SRPK2: variants seen among roughly 807,000 people sequenced by gnomAD.
SRPK2 encodes the protein SRSF protein kinase 2.
In SRPK2, 21 loss-of-function variants were observed where a neutral mutation model predicts 90.8. The ratio of observed to expected loss-of-function variants is 0.23; its 90% CI spans 0.16 to 0.33. SRPK2 has a LOEUF of 0.33. SRPK2 is among the 10% of genes least tolerant of loss of function. The pLI is 1.00. For missense variants in SRPK2, 620 were observed against 869.0 expected (o/e 0.71, Z 3.60); for synonymous variants, 288 against 311.1 (o/e 0.93, Z 0.78).
At chr7:105,356,597 T>C (rs1817810863) in intron 2 of SRPK2, among the ~76,000 whole-genome samples, 1 of 152,142 alleles carries the variant, frequency 6.6e-6, no homozygotes. Context: ...GATAAACCCA[T>C]GAAATTTGAT....
intron 6 of SRPK2, among the ~76,000 whole-genome samples, chr7:105,164,693 T>A (rs964294410): frequency 6.6e-6 from 1 of 152,220 alleles, no homozygotes; most frequent in African/African-American, 2.4e-5. Context: ...TTCCCTTGTA[T>A]AAAAACCTTC....
intron 3 of SRPK2, among the ~76,000 whole-genome samples, chr7:105,179,262 A>C (rs986030053): frequency 3.3e-5 from 5 of 152,330 alleles, no homozygotes; most frequent in African/African-American, 1.2e-4. Flanking sequence ...TAAGCCAGTT[A>C]CTTAACCTGT....
intron 2 of SRPK2, among the ~76,000 whole-genome samples, chr7:105,229,244 A>AGGAGATCGCCGTCAGGG (rs1799119450): frequency 6.6e-6 from 1 of 152,180 alleles, no homozygotes; most frequent in Non-Finnish European, 1.5e-5. Context: ...CGGGCAGATC[A>AGGAGATCGCCGTCAGGG]CGAGGTCAGG....
At chr7:105,165,496 T>C (rs1789924111) in intron 6 of SRPK2, among the ~76,000 whole-genome samples, 1 of 152,198 alleles carries the variant, frequency 6.6e-6, no homozygotes, top group Non-Finnish European at 1.5e-5. Flanking sequence ...AGATTGTAAA[T>C]GCACCAATCA....
At chr7:105,254,097 G>A (rs951011623) in intron 2 of SRPK2, among the ~76,000 whole-genome samples, 8 of 152,124 alleles carry the variant, frequency 5.3e-5, no homozygotes, top group African/African-American at 1.4e-4. Context: ...TAGCTGTTTC[G>A]TAAATGCTTG....
In SRPK2 at chr7:105,210,067, T is replaced by C. The variant is rs138271455; in HGVS notation, c.72-6282A>G. On this transcript the variant is annotated intron_variant, in intron 2 of 15. Transcript: ENST00000393651. ...AGGAAACTACAAGTCTCATCTGCTC[T>C]AAATTGCCATGGCAACCAGATGAGA... Among the ~76,000 whole-genome samples the C allele has an allele frequency of 1.0e-3, 157 of 152,326 alleles. 3 individuals are homozygous for C. The highest frequency in any genetic ancestry group is 3.6e-3 in the African/African-American group (149 of 41,578).
chr7:105,328,443 A>G (rs2131642224), intron 2 of SRPK2, among the ~76,000 whole-genome samples: 1 of 151,092 alleles, frequency 6.6e-6, no homozygotes, highest in African/African-American at 2.4e-5. Context: ...GGCGACTGTA[A>G]TCCCAGCTAT....
intron 2 of SRPK2, among the ~76,000 whole-genome samples, chr7:105,256,947 T>C (rs575412270): frequency 6.6e-6 from 1 of 152,364 alleles, no homozygotes; most frequent in South Asian, 2.1e-4. Context: ...TTATTAGTTA[T>C]GTGCAATTCT....
intron 2 of SRPK2, among the ~76,000 whole-genome samples, chr7:105,293,456 G>C (rs1479692735): frequency 1.3e-5 from 2 of 151,558 alleles, no homozygotes; most frequent in Non-Finnish European, 2.9e-5. Context: ...CTTTTTTGTG[G>C]GGGGGTGGGA....
chr7:105,130,919 CAGAA>C (rs1485529850), intron 13 of SRPK2, among the ~76,000 whole-genome samples: 2 of 152,074 alleles, frequency 1.3e-5, no homozygotes, highest in African/African-American at 4.8e-5. Context: ...GGTGAGAAGA[CAGAA>C]AGGCTTTTCC....
intron 2 of SRPK2, among the ~76,000 whole-genome samples, chr7:105,364,339 ATGGTCT>A (rs1818770765): frequency 6.6e-6 from 1 of 150,560 alleles, no homozygotes; most frequent in South Asian, 2.1e-4. Context: ...GACATTCATG[ATGGTCT>A]CTCTATTGAG....
intron 2 of SRPK2, among the ~76,000 whole-genome samples, chr7:105,353,322 C>A (rs1817417089): frequency 6.6e-6 from 1 of 151,996 alleles, no homozygotes; most frequent in East Asian, 1.9e-4. Flanking sequence ...TGTTAGAATT[C>A]TTCCAGGTAA....
chr7:105,279,424 T>C, intron 2 of SRPK2, among the ~76,000 whole-genome samples: 1 of 152,228 alleles, frequency 6.6e-6, no homozygotes, highest in East Asian at 1.9e-4. Flanking sequence ...GAAAGGGGTT[T>C]GCTGCTGATT....
chr7:105,238,111 A>G (rs1383835128), intron 2 of SRPK2, among the ~76,000 whole-genome samples: 4 of 152,246 alleles, frequency 2.6e-5, no homozygotes, highest in Non-Finnish European at 4.4e-5. Context: ...CGTGCAGGGT[A>G]AACAACAGCA....
At chr7:105,254,902 C>G (rs1015288389) in intron 2 of SRPK2, among the ~76,000 whole-genome samples, 2 of 151,772 alleles carry the variant, frequency 1.3e-5, no homozygotes, top group African/African-American at 4.8e-5. Context: ...GTTGGCCAGG[C>G]TGGTCTTGAA....
At chr7:105,155,065 C>A (rs1480036828) in intron 7 of SRPK2, among the ~76,000 whole-genome samples, 1 of 152,132 alleles carries the variant, frequency 6.6e-6, no homozygotes, top group East Asian at 1.9e-4. Flanking sequence ...ACTGCAGCCT[C>A]CGCCTCCCAA....
intron 6 of SRPK2, among the ~76,000 whole-genome samples, chr7:105,164,962 C>T (rs140511589): frequency 2.0e-5 from 3 of 152,226 alleles, no homozygotes; most frequent in Non-Finnish European, 2.9e-5. Flanking sequence ...TAAAGTGGTC[C>T]GATTTTCTTG....
At chr7:105,138,090 A>T (rs1803150249) in intron 11 of SRPK2, among the ~76,000 whole-genome samples, 1 of 152,214 alleles carries the variant, frequency 6.6e-6, no homozygotes, top group African/African-American at 2.4e-5. Flanking sequence ...TGCAACAGGT[A>T]TTGGGGATGG....
At chr7:105,244,148 A>G (rs1019764786) in intron 2 of SRPK2, among the ~76,000 whole-genome samples, 9 of 152,358 alleles carry the variant, frequency 5.9e-5, no homozygotes, top group African/African-American at 2.2e-4. Flanking sequence ...AAACCACTGT[A>G]GTAGGTGGAG....
Sources: allele counts gnomAD v4.1 joint callset (sites outside exome capture counted in the v4.1 genomes callset), GRCh38; gene constraint gnomAD v4.1.1; transcripts MANE v1.5; gene names NCBI Gene and HGNC (gene_info 2026-07-23, HGNC 2026-07-21).